ANK3: variants seen among roughly 807,000 people sequenced by gnomAD.
ANK3 encodes ankyrin-3.
In ANK3, 57 loss-of-function variants were observed where a neutral mutation model predicts 370.9. The ratio of observed to expected loss-of-function variants is 0.15; its 90% CI spans 0.12 to 0.19. The LOEUF (loss-of-function observed/expected upper bound fraction) is 0.19, where lower values mean the gene tolerates loss of function less well. Ranked by LOEUF, ANK3 falls within the 10% of genes least tolerant of loss-of-function variation. ANK3 has a pLI of 1.00. For missense variants in ANK3, 4,439 were observed against 5,302.1 expected (o/e 0.84, Z 5.06); for synonymous variants, 1,929 against 1,946.3 (o/e 0.99, Z 0.23).
intron 8 of ANK3, among the ~76,000 whole-genome samples, chr10:60,214,312 A>T (rs1177068870): frequency 6.6e-6 from 1 of 152,142 alleles, no homozygotes; most frequent in Non-Finnish European, 1.5e-5. Flanking sequence ...AGACTGTTGT[A>T]GTAGAGTTAC....
chr10:60,521,181 G>A (rs562773517), intron 2 of ANK3, among the ~76,000 whole-genome samples: 1 of 151,998 alleles, frequency 6.6e-6, no homozygotes, highest in South Asian at 2.1e-4. Context: ...TCTCTTCTTT[G>A]TAGAACATCT....
chr10:60,202,946 C>A (rs554810496), intron 12 of ANK3, 56 bp downstream of exon 12: 9 of 1,281,776 alleles, frequency 7.0e-6, no homozygotes, highest in African/African-American at 1.5e-5. Context: ...TAAAAACCAC[C>A]TTTGCCAGTT....
At chr10:60,226,573 T>TGTATATATATA (rs2097164758) in intron 8 of ANK3, among the ~76,000 whole-genome samples, 1 of 20,916 alleles carries the variant, frequency 4.8e-5, no homozygotes, top group African/African-American at 1.6e-4. Context: ...ACATAGTATA[T>TGTATATATATA]GTATATATAC....
chr10:60,665,451 T>G (rs1588994322), intron 1 of ANK3, among the ~76,000 whole-genome samples: 1 of 152,196 alleles, frequency 6.6e-6, no homozygotes, highest in African/African-American at 2.4e-5. Flanking sequence ...TTGTCTGGCA[T>G]GTAGCAGATG....
Position 60,073,574 on chromosome 10 carries a change from T to C in ANK3, c.7307A>G (p.Lys2436Arg). 6.2e-7 allele frequency: 1 copy of C among 1,614,072 alleles called. No individual in the cohort carries two copies. ...GTGTTGACTCAAAAGCTTCAATGTT[T>C]TATAAGAGTCATCAGATATGAGTTG... ...SAQLISDDSY[K>R]TLKLLSQHSI... The change falls in exon 37 of 44, where the codon AAA (lysine) becomes AGA (arginine). Residue 2436 changes from lysine (K) to arginine (R), a missense_variant. By Grantham distance (26) the Lys-to-Arg change is conservative. Coordinates refer to ENST00000280772, the MANE Select transcript of ANK3 (RefSeq NM_020987.5).
chr10:60,634,388 G>A (rs1254074433), intron 1 of ANK3, among the ~76,000 whole-genome samples: 2 of 152,200 alleles, frequency 1.3e-5, no homozygotes, highest in Non-Finnish European at 2.9e-5. Flanking sequence ...ATATTGAGAA[G>A]TGAAGCCAGC....
chr10:60,656,777 A>C (rs1017227222), intron 1 of ANK3, among the ~76,000 whole-genome samples: 3 of 150,448 alleles, frequency 2.0e-5, no homozygotes, highest in East Asian at 3.9e-4. Flanking sequence ...TTTTTCTTTG[A>C]ATCTGGTACC....
rs2083177164 is a variant in ANK3 at position 60,073,526 on chromosome 10, T to C, written c.7355A>G (p.Glu2452Gly). 1 of 1,613,978 alleles carries C rather than the reference T, an allele frequency of 6.2e-7. No individual in the cohort carries two copies. The highest frequency in any genetic ancestry group is 1.7e-5 in the Admixed American group (1 of 59,980). ...AGACTCCCCTCTTAGTTCTGACAAC[T>C]CATCGTCATGGTATTCTATTGAGTG... ...SQHSIEYHDD[E>G]LSELRGESYR... The change falls in exon 37 of 44, where the codon GAG (glutamate) becomes GGG (glycine). Residue 2452 changes from glutamate to glycine, a missense_variant. Glu to Gly is a moderately conservative substitution (Grantham distance 98). Around this residue, in one of 13 missense-constraint regions of ANK3, gnomAD observed 1,601 missense variants for 1,731.7 expected, o/e 0.92. Transcript: ENST00000280772.
At chr10:60,689,913 T>C (rs944795349) in intron 1 of ANK3, among the ~76,000 whole-genome samples, 1 of 152,160 alleles carries the variant, frequency 6.6e-6, no homozygotes, top group African/African-American at 2.4e-5. Context: ...GTTTGAAACA[T>C]ATTAAATACA....
chr10:60,666,948 T>A (rs996942562), intron 1 of ANK3, among the ~76,000 whole-genome samples: 4 of 151,978 alleles, frequency 2.6e-5, no homozygotes, highest in African/African-American at 9.7e-5. Flanking sequence ...CAATTTAGAG[T>A]TGTCAGATAA....
chr10:60,528,846 A>G (rs2076538938), intron 2 of ANK3, among the ~76,000 whole-genome samples: 1 of 152,076 alleles, frequency 6.6e-6, no homozygotes, highest in Admixed American at 6.6e-5. Context: ...TCCTGTTAAT[A>G]ATCACTGATC....
chr10:60,193,168 A>T (rs74640747), intron 16 of ANK3, among the ~76,000 whole-genome samples: 3,224 of 152,318 alleles, frequency 0.021, 120 homozygotes, highest in African/African-American at 0.073. Context: ...CCCATTAGAA[A>T]AGCCTGTGTT....
chr10:60,579,108 T>C (rs916019235), intron 2 of ANK3, among the ~76,000 whole-genome samples: 6 of 151,814 alleles, frequency 4.0e-5, no homozygotes, highest in Admixed American at 2.0e-4. Context: ...AGGCGGATCA[T>C]GAAGTCAAGA....
At chr10:60,224,311 C>T (rs2097105160) in intron 8 of ANK3, among the ~76,000 whole-genome samples, 1 of 152,108 alleles carries the variant, frequency 6.6e-6, no homozygotes, top group Non-Finnish European at 1.5e-5. Context: ...TCTAAAGCAA[C>T]ACAAACTGGC....
chr10:60,163,037 G>A (rs962957801), intron 23 of ANK3, among the ~76,000 whole-genome samples: 2 of 152,098 alleles, frequency 1.3e-5, no homozygotes. Flanking sequence ...CTTGGGAGGA[G>A]ACGCCAAACT....
At chr10:60,537,425 T>A (rs1310520443) in intron 2 of ANK3, among the ~76,000 whole-genome samples, 1 of 151,992 alleles carries the variant, frequency 6.6e-6, no homozygotes, top group Non-Finnish European at 1.5e-5. Flanking sequence ...ACAGTAGAGA[T>A]CATTTTCAAT....
chr10:60,488,665 A>G (rs989176384), intron 2 of ANK3, among the ~76,000 whole-genome samples: 1 of 152,188 alleles, frequency 6.6e-6, no homozygotes, highest in Non-Finnish European at 1.5e-5. Context: ...ATCATAAATC[A>G]TATGATATAT....
intron 2 of ANK3, among the ~76,000 whole-genome samples, chr10:60,474,344 T>C (rs1358491977): frequency 6.6e-6 from 1 of 152,072 alleles, no homozygotes; most frequent in Non-Finnish European, 1.5e-5. Context: ...CTTAGAGATC[T>C]TTATGGGATT....
At chr10:60,166,287 T>C (rs1421583155) in intron 23 of ANK3, among the ~76,000 whole-genome samples, 1 of 152,052 alleles carries the variant, frequency 6.6e-6, no homozygotes, top group African/African-American at 2.4e-5. Context: ...AGATTTCAGA[T>C]GCAAACAATA....
Sources: allele counts gnomAD v4.1 joint callset (sites outside exome capture counted in the v4.1 genomes callset), GRCh38; gene constraint gnomAD v4.1.1; regional missense constraint gnomAD v4.1.1; transcripts MANE v1.5; gene names NCBI Gene and HGNC (gene_info 2026-07-23, HGNC 2026-07-21).